SNX18: variants seen among roughly 807,000 people sequenced by gnomAD.
The protein encoded by SNX18 is sorting nexin-18.
Under a neutral mutation model 48.7 loss-of-function variants are expected in SNX18, and 35 were observed. The ratio of observed to expected loss-of-function variants is 0.72; its 90% CI spans 0.55 to 0.95. The LOEUF (loss-of-function observed/expected upper bound fraction) is 0.95. Ranked by LOEUF, SNX18 falls within the 40% of genes least tolerant of loss-of-function variation. The pLI is 0.00. For synonymous variants in SNX18, 492 were observed against 384.7 expected (o/e 1.28, Z -3.26); for missense variants, 824 against 871.0 (o/e 0.95, Z 0.68).
the SNX18 span, among the ~76,000 whole-genome samples, chr5:54,585,297 GA>G: frequency 0.25 from 24,494 of 96,320 alleles, 1,961 homozygotes; most frequent in Middle Eastern, 0.38. Flanking sequence ...GTCCCAAAAA[GA>G]AAAAAAAAAA....
At chr5:54,634,146 G>T in the SNX18 span, among the ~76,000 whole-genome samples, 5 of 152,130 alleles carry the variant, frequency 3.3e-5, no homozygotes, top group Non-Finnish European at 7.4e-5. Flanking sequence ...TGATTTAAGG[G>T]TCTCCCTCCT....
At chr5:54,623,313 T>C in the SNX18 span, among the ~76,000 whole-genome samples, 1 of 152,130 alleles carries the variant, frequency 6.6e-6, no homozygotes, top group South Asian at 2.1e-4. Context: ...CTCCAGAACA[T>C]GTGCCAGAGC....
At chr5:54,520,272 G>C (rs1761994447) in intron 1 of SNX18, 1 of 179,322 alleles carries the variant, frequency 5.6e-6, no homozygotes, top group Non-Finnish European at 1.3e-5. Flanking sequence ...AGCGTTGCTG[G>C]TATCCCAGTG....
chr5:54,556,561 G>A, the SNX18 span, among the ~76,000 whole-genome samples: 4 of 152,174 alleles, frequency 2.6e-5, no homozygotes, highest in Non-Finnish European at 4.4e-5. Flanking sequence ...CAGCTGATTA[G>A]CAATCTTAAT....
intron 1 of SNX18, among the ~76,000 whole-genome samples, chr5:54,530,770 T>TTTTTTTTA: frequency 1.1e-5 from 1 of 92,048 alleles, no homozygotes; most frequent in Non-Finnish European, 2.2e-5. Flanking sequence ...TTTTTTTTTT[T>TTTTTTTTA]GAGACAGTTT....
chr5:54,529,485 A>G (rs551414929), intron 1 of SNX18, among the ~76,000 whole-genome samples: 2 of 152,322 alleles, frequency 1.3e-5, no homozygotes, highest in Admixed American at 1.3e-4. Flanking sequence ...TGCAAAGCCT[A>G]AAATGCTTAC....
chr5:54,586,322 AT>A, the SNX18 span, among the ~76,000 whole-genome samples: 1 of 152,168 alleles, frequency 6.6e-6, no homozygotes, highest in Non-Finnish European at 1.5e-5. Flanking sequence ...AACTATTTAC[AT>A]CTGCAGCCTG....
At chr5:54,587,256 T>G in the SNX18 span, among the ~76,000 whole-genome samples, 1 of 152,182 alleles carries the variant, frequency 6.6e-6, no homozygotes, top group African/African-American at 2.4e-5. Flanking sequence ...GGAATTGTCC[T>G]TACGTAAAAG....
At chr5:54,577,190 T>G in the SNX18 span, among the ~76,000 whole-genome samples, 5 of 152,158 alleles carry the variant, frequency 3.3e-5, no homozygotes, top group Non-Finnish European at 5.9e-5. Context: ...TTTTTAGCCA[T>G]GACACCTTGG....
chr5:54,643,140 T>A, the SNX18 span, among the ~76,000 whole-genome samples: 1 of 152,182 alleles, frequency 6.6e-6, no homozygotes, highest in Non-Finnish European at 1.5e-5. Context: ...CGTGGCTCAC[T>A]TTCAAGCAGT....
chr5:54,554,094 G>T, the SNX18 span, among the ~76,000 whole-genome samples: 1 of 152,156 alleles, frequency 6.6e-6, no homozygotes, highest in Non-Finnish European at 1.5e-5. Context: ...CCACCAGATT[G>T]CCCTTGGCAA....
chr5:54,627,844 C>T, the SNX18 span, among the ~76,000 whole-genome samples: 2 of 152,168 alleles, frequency 1.3e-5, no homozygotes, highest in Admixed American at 6.5e-5. Flanking sequence ...CTAGTGGAGG[C>T]CCTGTAAGGA....
At chr5:54,576,786 T>TTTGG in the SNX18 span, among the ~76,000 whole-genome samples, 1 of 130,334 alleles carries the variant, frequency 7.7e-6, no homozygotes. Flanking sequence ...TGTTTGTTTG[T>TTTGG]TTGTTTGTTT....
the SNX18 span, among the ~76,000 whole-genome samples, chr5:54,623,169 C>T: frequency 6.6e-6 from 1 of 152,124 alleles, no homozygotes; most frequent in Admixed American, 6.6e-5. Flanking sequence ...AGGGCCAAGA[C>T]AGATGGCCAG....
chr5:54,591,937 A>G, the SNX18 span, among the ~76,000 whole-genome samples: 1 of 152,216 alleles, frequency 6.6e-6, no homozygotes, highest in Non-Finnish European at 1.5e-5. Flanking sequence ...GTTGCTAACA[A>G]ATATCTTGGC....
chr5:54,545,996 C>A lies in SNX18; in HGVS notation c.*2564C>A, dbSNP rs77475908. The A allele has an allele frequency of 6.6e-6, 1 of 152,168 alleles. No individual in the cohort carries two copies. Among genetic ancestry groups the A allele is most frequent in the Admixed American group, 6.5e-5 (1 of 15,296 alleles). The allele number at this position is 152,168 out of a possible 1,614,324, so 9.4% of individuals were successfully genotyped here. On this transcript the variant is annotated 3_prime_UTR_variant, in exon 2 of 2. Transcript: ENST00000381410. Reference sequence around the variant, plus strand: ...AGTTGTTTATATGCTGTAACTGTAACGCAGCGAGACTGGTTCTACAGCCAT... The same window carrying A: ...AGTTGTTTATATGCTGTAACTGTAAAGCAGCGAGACTGGTTCTACAGCCAT...
Position 54,519,147 on chromosome 5 carries a change from A to C in SNX18, c.1195A>C (p.Lys399Gln). The C allele has an allele frequency of 6.2e-7, 1 of 1,613,996 alleles. No homozygotes were observed. Among genetic ancestry groups the C allele is most frequent in the Non-Finnish European group, 8.5e-7 (1 of 1,179,950 alleles). ...AWKQGKRKAEKDEMVGANFFL... is the reference protein window; with the variant it reads ...AWKQGKRKAEQDEMVGANFFL... ...GAAGCAGGGCAAGAGGAAGGCCGAG[A>C]AGGACGAGATGGTGGGCGCCAACTT... Residue 399 changes from lysine (K) to glutamine (Q), a missense_variant, in exon 1 of 2, where the codon AAG becomes CAG. Physicochemically the swap from Lys to Gln is moderately conservative, Grantham distance 53. Around this residue, in one of 3 missense-constraint regions of SNX18, gnomAD observed 443 missense variants for 503.6 expected, o/e 0.88. Transcript: ENST00000381410.
the SNX18 span, among the ~76,000 whole-genome samples, chr5:54,631,986 C>T: frequency 6.6e-6 from 1 of 152,244 alleles, no homozygotes; most frequent in Admixed American, 6.5e-5. Flanking sequence ...TACTCCCACC[C>T]CCTGCACCTC....
At chr5:54,598,892 G>T in the SNX18 span, among the ~76,000 whole-genome samples, 1 of 152,148 alleles carries the variant, frequency 6.6e-6, no homozygotes, top group Non-Finnish European at 1.5e-5. Flanking sequence ...GGGCAATCAG[G>T]CAAAAGAAAG....
Sources: gnomAD v4.1 joint callset for allele counts (sites outside exome capture counted in the v4.1 genomes callset) on GRCh38, gnomAD v4.1.1 for gene constraint, gnomAD v4.1.1 regional missense constraint, MANE v1.5 for transcripts, NCBI Gene and HGNC (gene_info 2026-07-23, HGNC 2026-07-21) for gene names.